The following NXPE2 variants were observed in gnomAD, a reference collection of about 807,000 sequenced individuals.
NXPE2 encodes neurexophilin and PC-esterase domain family member 2.
Under a neutral mutation model 34.4 loss-of-function variants are expected in NXPE2, and 34 were observed. The ratio of observed to expected loss-of-function variants is 0.99; its 90% confidence interval spans 0.75 to 1.31. NXPE2 has a LOEUF of 1.31. Ranked by LOEUF, NXPE2 falls within the 40% of genes most tolerant of loss-of-function variation. NXPE2 has a pLI of 0.00. For synonymous variants in NXPE2, 235 were observed against 231.3 expected (o/e 1.02, Z -0.15); for missense variants, 649 against 672.5 (o/e 0.97, Z 0.39).
chr11:114,726,443 C>T, the NXPE2 span, among the ~76,000 whole-genome samples: 2 of 151,976 alleles, frequency 1.3e-5, no homozygotes, highest in South Asian at 2.1e-4. Flanking sequence ...AACTCCTGGT[C>T]TCATGTAATC....
At chr11:114,778,264 C>A in the NXPE2 span, among the ~76,000 whole-genome samples, 1 of 152,170 alleles carries the variant, frequency 6.6e-6, no homozygotes, top group Non-Finnish European at 1.5e-5. Flanking sequence ...GACCTTGACT[C>A]TCTGGCTAGT....
chr11:114,710,401 G>A (rs918310972), downstream of NXPE2, among the ~76,000 whole-genome samples: 2 of 152,032 alleles, frequency 1.3e-5, no homozygotes, highest in African/African-American at 2.4e-5. Flanking sequence ...TTATAAATGG[G>A]CAATGAGACA....
intron 4 of NXPE2, 55 bp downstream of exon 4, chr11:114,704,107 A>G (rs971411974): frequency 4.0e-6 from 5 of 1,244,040 alleles, no homozygotes; most frequent in African/African-American, 1.5e-5. Context: ...CGGAAAGGAC[A>G]TGCTTACTTA....
the NXPE2 span, among the ~76,000 whole-genome samples, chr11:114,650,125 A>G: frequency 6.6e-6 from 1 of 152,246 alleles, no homozygotes; most frequent in Non-Finnish European, 1.5e-5. Context: ...AATACATCAT[A>G]AAGCTCAAGT....
At chr11:114,726,090 A>C in the NXPE2 span, among the ~76,000 whole-genome samples, 1 of 150,888 alleles carries the variant, frequency 6.6e-6, no homozygotes, top group African/African-American at 2.4e-5. Context: ...TTTTATCAGA[A>C]AATGCTTTAT....
the NXPE2 span, among the ~76,000 whole-genome samples, chr11:114,573,667 C>G: frequency 6.6e-6 from 1 of 151,932 alleles, no homozygotes; most frequent in South Asian, 2.1e-4. Flanking sequence ...GAAAATACCA[C>G]AATTCTAAAT....
the NXPE2 span, among the ~76,000 whole-genome samples, chr11:114,487,932 C>T: frequency 6.6e-6 from 1 of 152,080 alleles, no homozygotes; most frequent in Admixed American, 6.6e-5. Flanking sequence ...ATTTTTGCAT[C>T]AATGTTTATC....
the NXPE2 span, among the ~76,000 whole-genome samples, chr11:114,620,295 C>T: frequency 1.3e-5 from 2 of 152,082 alleles, no homozygotes. Flanking sequence ...TAAGTAATGC[C>T]TCGTGGGTAA....
At chr11:114,602,720 T>C in the NXPE2 span, among the ~76,000 whole-genome samples, 1 of 141,634 alleles carries the variant, frequency 7.1e-6, no homozygotes, top group Non-Finnish European at 1.5e-5. Context: ...GAATCACATA[T>C]AATTATCTCA....
the NXPE2 span, among the ~76,000 whole-genome samples, chr11:114,786,847 C>T: frequency 6.6e-6 from 1 of 152,122 alleles, no homozygotes; most frequent in African/African-American, 2.4e-5. Context: ...ACGCATGGTT[C>T]ACAGTACCGT....
At chr11:114,473,584 C>T in the NXPE2 span, among the ~76,000 whole-genome samples, 6 of 152,114 alleles carry the variant, frequency 3.9e-5, no homozygotes, top group South Asian at 1.0e-3. Context: ...TGATAAACTT[C>T]ATTACAGACT....
At chr11:114,665,338 G>A in the NXPE2 span, among the ~76,000 whole-genome samples, 5 of 152,076 alleles carry the variant, frequency 3.3e-5, no homozygotes, top group African/African-American at 9.7e-5. Flanking sequence ...AGCCCATCAC[G>A]TCTTGATGAT....
At chr11:114,808,972 A>G in the NXPE2 span, among the ~76,000 whole-genome samples, 12 of 152,302 alleles carry the variant, frequency 7.9e-5, no homozygotes, top group African/African-American at 2.9e-4. Flanking sequence ...GAATCCAGCA[A>G]CACATCAAAA....
intron 2 of NXPE2, among the ~76,000 whole-genome samples, chr11:114,696,787 T>C (rs935253807): frequency 3.9e-5 from 6 of 152,208 alleles, no homozygotes; most frequent in African/African-American, 1.4e-4. Context: ...TGTGTCTACC[T>C]GAAACCCCTG....
At chr11:114,552,319 G>C in the NXPE2 span, among the ~76,000 whole-genome samples, 1 of 152,074 alleles carries the variant, frequency 6.6e-6, no homozygotes. Flanking sequence ...GAGAAGACAA[G>C]GGGCAGCTCT....
the NXPE2 span, among the ~76,000 whole-genome samples, chr11:114,732,159 G>A: frequency 6.6e-6 from 1 of 152,122 alleles, no homozygotes; most frequent in Non-Finnish European, 1.5e-5. Flanking sequence ...ATTATTAAAT[G>A]CATTTTGACA....
At chr11:114,552,021 G>T in the NXPE2 span, 1 of 152,188 alleles carries the variant, frequency 6.6e-6, no homozygotes, top group South Asian at 2.1e-4. Context: ...TGTGTGAGTG[G>T]TTTCGTTTTG....
downstream of NXPE2, among the ~76,000 whole-genome samples, chr11:114,708,264 G>C (rs1313410207): frequency 6.6e-6 from 1 of 152,054 alleles, no homozygotes; most frequent in Admixed American, 6.6e-5. Flanking sequence ...AAACCCACAG[G>C]CTCATTGAGA....
chr11:114,728,983 A>G, the NXPE2 span, among the ~76,000 whole-genome samples: 1 of 152,064 alleles, frequency 6.6e-6, no homozygotes, highest in African/African-American at 2.4e-5. Flanking sequence ...ACATGGGTAT[A>G]CTGAGTGATG....
Sources: allele counts gnomAD v4.1 joint callset (sites outside exome capture counted in the v4.1 genomes callset), GRCh38; gene constraint gnomAD v4.1.1; transcripts MANE v1.5; gene names NCBI Gene and HGNC (gene_info 2026-07-23, HGNC 2026-07-21).